MMP26: variants seen among roughly 807,000 people sequenced by gnomAD.
MMP26 encodes the protein matrix metalloproteinase-26.
A neutral mutation model predicts 31.0 loss-of-function variants in MMP26; 33 were observed. That is an observed-to-expected ratio of 1.06 (90% CI 0.81 to 1.42). The LOEUF (loss-of-function observed/expected upper bound fraction) is 1.42, where lower values mean the gene tolerates loss of function less well. Among genes scored for constraint, MMP26 ranks in the 40% most tolerant of loss-of-function variants. The probability of loss-of-function intolerance (pLI) is 0.00; values close to 1 mark genes in which losing one functional copy is unlikely to be tolerated. For synonymous variants in MMP26, 122 were observed against 114.9 expected (o/e 1.06, Z -0.40); for missense variants, 347 against 316.1 (o/e 1.10, Z -0.74).
chr11:4,819,566 ATTTTTTTTTTT>A (rs71050433), intron 2 of MMP26, among the ~76,000 whole-genome samples: 31 of 50,306 alleles, frequency 6.2e-4, no homozygotes, highest in South Asian at 3.3e-3. Flanking sequence ...GAGTCGACTG[ATTTTTTTTTTT>A]TTTTTTTTTT....
chr11:4,723,713 G>C lies in MMP26; in HGVS notation c.-217+18668G>C, dbSNP rs115364008. On this transcript the variant is annotated intron_variant, in intron 1 of 7. Coordinates refer to ENST00000380390, the MANE Select transcript of MMP26 (RefSeq NM_021801.5). ...CCAAGCTTCAGCTTCTCCTGGCCCA[G>C]AGTGTCCAGTTGCCGCCTAAGGTTG... is the stretch of plus-strand genomic sequence containing the variant. The C allele has an allele frequency of 4.5e-3, 4,660 of 1,044,380 alleles. 120 individuals are homozygous for C. The African/African-American group carries it at 0.059, about 13-fold the overall frequency. The allele number at this position is 1,044,380 out of a possible 1,614,324, so 64.7% of individuals were successfully genotyped here.
At chr11:4,981,128 T>C (rs1846807227) in intron 2 of MMP26, among the ~76,000 whole-genome samples, 1 of 152,134 alleles carries the variant, frequency 6.6e-6, no homozygotes, top group African/African-American at 2.4e-5. Context: ...GTACTGAAGA[T>C]GGCAAAGGAG....
At chr11:4,803,715 C>G in intron 2 of MMP26, 1 of 1,613,846 alleles carries the variant, frequency 6.2e-7, no homozygotes, top group Non-Finnish European at 8.5e-7. Flanking sequence ...TCAAAATCAT[C>G]ACGTATGACA....
intron 2 of MMP26, chr11:4,769,458 C>A (rs902861920): frequency 1.2e-6 from 2 of 1,612,728 alleles, no homozygotes; most frequent in African/African-American, 2.7e-5. Flanking sequence ...AGTACTATAG[C>A]ACGTGTAATC....
intron 1 of MMP26, among the ~76,000 whole-genome samples, chr11:4,745,752 C>T (rs1462064915): frequency 1.3e-5 from 2 of 152,192 alleles, no homozygotes; most frequent in Admixed American, 1.3e-4. Context: ...CCTCTGTGCT[C>T]TGTCTATTCT....
Position 4,819,793 on chromosome 11 carries a change from T to C in MMP26, c.-145+52452T>C, listed in dbSNP as rs183812921. 4.6e-5 allele frequency among the ~76,000 whole-genome samples: 7 copies of C among 152,114 alleles called. No homozygotes were observed. In the East Asian group the frequency reaches 1.4e-3, roughly 29 times the overall value. ...TGGGGTTTCCCTATGTTACCCATGCTGGTCTTGAACTCCTGGGCTCAAGTG... is the reference window on the plus strand; with the variant it reads ...TGGGGTTTCCCTATGTTACCCATGCCGGTCTTGAACTCCTGGGCTCAAGTG... On this transcript the variant is annotated intron_variant, in intron 2 of 7. Transcript: ENST00000380390.
intron 2 of MMP26, among the ~76,000 whole-genome samples, chr11:4,805,017 G>A (rs1849248091): frequency 6.6e-6 from 1 of 151,462 alleles, no homozygotes; most frequent in Non-Finnish European, 1.5e-5. Context: ...AGTAGCATCT[G>A]CTAAGGGAAA....
At chr11:4,818,615 C>A (rs549332884) in intron 2 of MMP26, among the ~76,000 whole-genome samples, 1 of 152,074 alleles carries the variant, frequency 6.6e-6, no homozygotes, top group Non-Finnish European at 1.5e-5. Flanking sequence ...GCTTCTTAAA[C>A]TGAGAACTTA....
intron 2 of MMP26, among the ~76,000 whole-genome samples, chr11:4,864,578 A>G (rs558485679): frequency 2.6e-5 from 4 of 152,186 alleles, no homozygotes; most frequent in Non-Finnish European, 4.4e-5. Context: ...ATTACAACCT[A>G]AAAGAGACAA....
At chr11:4,729,322 C>T (rs937332257) in intron 1 of MMP26, among the ~76,000 whole-genome samples, 1 of 152,028 alleles carries the variant, frequency 6.6e-6, no homozygotes, top group Non-Finnish European at 1.5e-5. Context: ...GGTGAGGTAA[C>T]CTGATTGCAG....
At position 4,812,527 on chromosome 11, in the gene MMP26, G is replaced by T. The variant is rs760787434; in HGVS notation, c.-145+45186G>T. On this transcript the variant is annotated intron_variant, in intron 2 of 7. Transcript: ENST00000380390. ...GAAAAGTAGGCAGAAAGGAGAAGGG[G>T]AAAGAAAAAAAGAGGTAGGATATGA... Among the ~76,000 whole-genome samples, 33 of 151,784 alleles carry T rather than the reference G, an allele frequency of 2.2e-4. 2 individuals carry two copies. The highest frequency in any genetic ancestry group is 4.7e-4 in the Non-Finnish European group (32 of 67,916).
At chr11:4,860,880 C>G (rs1850144131) in intron 2 of MMP26, among the ~76,000 whole-genome samples, 1 of 151,774 alleles carries the variant, frequency 6.6e-6, no homozygotes, top group Non-Finnish European at 1.5e-5. Flanking sequence ...ATATAGTTTT[C>G]AAGTTTTAGC....
intron 2 of MMP26, among the ~76,000 whole-genome samples, chr11:4,802,536 G>A (rs977383284): frequency 2.0e-5 from 3 of 152,046 alleles, no homozygotes. Flanking sequence ...GATAAAAATG[G>A]ACCTGGACCT....
At chr11:4,915,694 C>T in intron 2 of MMP26, 1 of 1,534,262 alleles carries the variant, frequency 6.5e-7, no homozygotes, top group Non-Finnish European at 8.9e-7. Context: ...AAGGTGGGTG[C>T]CCTCCAAAAT....
At chr11:4,892,061 T>TA (rs576059576) in intron 2 of MMP26, among the ~76,000 whole-genome samples, 15 of 148,226 alleles carry the variant, frequency 1.0e-4, no homozygotes, top group South Asian at 2.2e-4. Context: ...CTCCTTGGCC[T>TA]AAAAAAAAAA....
intron 1 of MMP26, among the ~76,000 whole-genome samples, chr11:4,727,576 G>A (rs559648946): frequency 5.9e-5 from 9 of 152,258 alleles, no homozygotes; most frequent in Non-Finnish European, 7.4e-5. Context: ...TTGGAAGGCC[G>A]AGGCGGGTGG....
intron 2 of MMP26, among the ~76,000 whole-genome samples, chr11:4,798,933 G>T (rs1373080949): frequency 6.6e-6 from 1 of 152,168 alleles, no homozygotes; most frequent in Admixed American, 6.5e-5. Context: ...ATCACAGTTT[G>T]GTTCTAAGTC....
At chr11:4,975,145 G>A (rs193106361) in intron 2 of MMP26, among the ~76,000 whole-genome samples, 122 of 152,116 alleles carry the variant, frequency 8.0e-4, no homozygotes, top group African/African-American at 2.2e-3. Flanking sequence ...TGCCTAGGAC[G>A]TTCTGGATTT....
intron 1 of MMP26, chr11:4,723,907 G>A: frequency 2.9e-6 from 3 of 1,039,528 alleles, no homozygotes; most frequent in Non-Finnish European, 4.5e-6. Flanking sequence ...CTTCTCCTGG[G>A]TGCGCATGGC....
Sources: allele counts gnomAD v4.1 joint callset (sites outside exome capture counted in the v4.1 genomes callset), GRCh38; gene constraint gnomAD v4.1.1; transcripts MANE v1.5; gene names NCBI Gene and HGNC (gene_info 2026-07-23, HGNC 2026-07-21).